CHRDL1: variants seen among roughly 807,000 people sequenced by gnomAD.
CHRDL1 encodes the protein chordin-like protein 1.
In CHRDL1, 19 loss-of-function variants were observed where a neutral mutation model predicts 40.9. That is an observed-to-expected ratio of 0.46 (90% CI 0.32 to 0.68). The LOEUF is 0.68. Among genes scored for constraint, CHRDL1 ranks in the 30% least tolerant of loss-of-function variants. CHRDL1 has a pLI of 0.03. For missense variants in CHRDL1, 329 were observed against 352.1 expected, an observed-to-expected ratio of 0.93 and a Z score of 0.53; for synonymous variants, 136 against 123.4, an observed-to-expected ratio of 1.10 and a Z score of -0.68.
At chrX:110,717,148 C>T (rs2070857878) in intron 6 of CHRDL1, among the ~76,000 whole-genome samples, 1 of 111,808 alleles carries the variant, frequency 8.9e-6, no homozygotes, top group African/African-American at 3.3e-5. Context: ...CACCATTCTG[C>T]ATCAGAATGA....
In CHRDL1 at chrX:110,721,407, T is replaced by G; in HGVS notation, c.425A>C (p.Gln142Pro). 8.3e-7 allele frequency: 1 copy of G among 1,211,002 alleles called. No homozygotes were observed. Among genetic ancestry groups the G allele is most frequent in the Non-Finnish European group, 1.1e-6 (1 of 894,766 alleles). Residue 142 changes from glutamine to proline, a missense_variant, in exon 5 of 12, where the codon CAA (glutamine) becomes CCA (proline). Physicochemically the swap from Gln to Pro is moderately conservative, Grantham distance 76. Transcript: ENST00000372042. ...TACCGAACAGCTGCACTGGGTGCAT[T>G]GATTGGGTTGCCGATTCTGAAAGAG... Reference protein sequence around the residue: ...EGLFQNRQPNQCTQCSCSEGN... With the variant: ...EGLFQNRQPNPCTQCSCSEGN...
chrX:110,729,042 G>A (rs1030854715), intron 4 of CHRDL1, among the ~76,000 whole-genome samples: 3 of 111,941 alleles, frequency 2.7e-5, no homozygotes, highest in African/African-American at 9.7e-5. Flanking sequence ...CAGGAGAATC[G>A]CTTGAACCTG....
rs750955579 is a variant in CHRDL1, at chrX:110,792,074, T to C, written c.94+14A>G. On this transcript the variant is annotated intron_variant, in intron 2 of 11. Coordinates refer to ENST00000372042, the MANE Select transcript of CHRDL1 (RefSeq NM_001143981.2). Reference sequence around the variant, plus strand: ...TATAAAAAGTGTATTATTTTCCAAATGCAAGACACTTACGTTTTACTTGCT... The same window carrying C: ...TATAAAAAGTGTATTATTTTCCAAACGCAAGACACTTACGTTTTACTTGCT... 5 of 1,028,686 alleles carry C rather than the reference T, an allele frequency of 4.9e-6. No homozygotes were observed. Among genetic ancestry groups the C allele is most frequent in the South Asian group, 4.0e-5 (2 of 49,571 alleles). The allele number at this position is 1,028,686 out of a possible 1,213,427, so 84.8% of individuals were successfully genotyped here.
intron 4 of CHRDL1, among the ~76,000 whole-genome samples, chrX:110,724,520 C>T (rs1372379699): frequency 9.2e-6 from 1 of 108,111 alleles, no homozygotes; most frequent in Non-Finnish European, 1.9e-5. Context: ...TTCATTCTTG[C>T]AACACCCTTA....
intron 2 of CHRDL1, among the ~76,000 whole-genome samples, chrX:110,789,814 TA>T (rs2090070708): frequency 8.9e-6 from 1 of 112,218 alleles, no homozygotes; most frequent in Non-Finnish European, 1.9e-5. Context: ...ACATGTTCCA[TA>T]TGAAGCTCAG....
intron 6 of CHRDL1, among the ~76,000 whole-genome samples, chrX:110,705,345 AT>A (rs2070609250): frequency 2.1e-4 from 1 of 4,784 alleles, no homozygotes; most frequent in African/African-American, 6.3e-3. Flanking sequence ...ATATACACAT[AT>A]ATATATATAC....
intron 8 of CHRDL1, among the ~76,000 whole-genome samples, chrX:110,693,606 C>T (rs775231497): frequency 9.0e-6 from 1 of 111,011 alleles, no homozygotes; most frequent in African/African-American, 3.3e-5. Context: ...CCTCCTGCCT[C>T]GACCTCCCAA....
chrX:110,689,398 ATATATATC>A (rs200826006), intron 8 of CHRDL1, among the ~76,000 whole-genome samples: 14,818 of 58,026 alleles, frequency 0.26, 4,457 homozygotes, highest in African/African-American at 0.5. Flanking sequence ...CACCCAGCCT[ATATATATC>A]TATATATCTA....
intron 4 of CHRDL1, among the ~76,000 whole-genome samples, chrX:110,731,182 T>C (rs926457755): frequency 3.2e-4 from 36 of 111,511 alleles, no homozygotes; most frequent in African/African-American, 1.2e-3. Flanking sequence ...GCCCTATCTT[T>C]CCCAGAGGTT....
intron 8 of CHRDL1, among the ~76,000 whole-genome samples, chrX:110,692,835 T>C (rs768239259): frequency 1.5e-4 from 17 of 112,371 alleles, no homozygotes; most frequent in African/African-American, 5.2e-4. Context: ...GAAATATACA[T>C]CTAACTAGTA....
chrX:110,703,054 T>G (rs991211406), intron 6 of CHRDL1, among the ~76,000 whole-genome samples: 1 of 112,152 alleles, frequency 8.9e-6, no homozygotes, highest in African/African-American at 3.2e-5. Flanking sequence ...ACCACCTCTG[T>G]ATCTCCTAGA....
chrX:110,783,138 T>C (rs939096466), intron 2 of CHRDL1, among the ~76,000 whole-genome samples: 2 of 112,499 alleles, frequency 1.8e-5, no homozygotes, highest in Non-Finnish European at 3.8e-5. Context: ...TAATTTTTTT[T>C]TCTTTTGAGA....
chrX:110,694,165 T>C lies in CHRDL1; in HGVS notation c.776A>G (p.Gln259Arg). 1.7e-6 allele frequency: 2 copies of C among 1,203,337 alleles called. No individual in the cohort carries two copies. The highest frequency in any genetic ancestry group is 2.3e-6 in the Non-Finnish European group (2 of 888,553). The part of the protein sequence containing the change: ...IVINNKHKHG[Q>R]VCVSNGKTYS... ...TACAAAAGAAGGATGCCCCTTACCT[T>C]GTCCATGCTTGTGTTTGTTATTGAT... is the stretch of plus-strand genomic sequence containing the variant. Residue 259 changes from glutamine to arginine, a missense_variant and splice_region_variant, in exon 8 of 12, where the codon CAA becomes CGA. By Grantham distance (43) the Gln-to-Arg change is conservative (BLOSUM62 1). Coordinates refer to ENST00000372042, the MANE Select transcript of CHRDL1 (RefSeq NM_001143981.2).
At chrX:110,779,190 C>A (rs961375626) in intron 2 of CHRDL1, among the ~76,000 whole-genome samples, 83 of 110,624 alleles carry the variant, frequency 7.5e-4, no homozygotes, top group African/African-American at 2.2e-3. Flanking sequence ...GTACACCAAC[C>A]CCCCGTGACA....
At chrX:110,775,777 T>G (rs937231059) in intron 2 of CHRDL1, among the ~76,000 whole-genome samples, 11 of 110,988 alleles carry the variant, frequency 9.9e-5, no homozygotes, top group African/African-American at 3.3e-4. Flanking sequence ...CCCTAGTTTT[T>G]TTGTTACTTT....
At chrX:110,750,965 G>C (rs1415253807) in intron 4 of CHRDL1, among the ~76,000 whole-genome samples, 2 of 111,882 alleles carry the variant, frequency 1.8e-5, no homozygotes, top group Non-Finnish European at 3.8e-5. Context: ...AGATCCCACT[G>C]CTGCAAGATC....
At chrX:110,780,461 C>T (rs1022396590) in intron 2 of CHRDL1, among the ~76,000 whole-genome samples, 2 of 111,763 alleles carry the variant, frequency 1.8e-5, no homozygotes, top group Non-Finnish European at 3.8e-5. Flanking sequence ...TAGTTCTACA[C>T]CAATACACAG....
intron 4 of CHRDL1, among the ~76,000 whole-genome samples, chrX:110,749,749 A>G (rs1477893047): frequency 8.9e-6 from 1 of 111,935 alleles, no homozygotes; most frequent in Non-Finnish European, 1.9e-5. Context: ...AAATCATTCT[A>G]ATAAAGACAA....
At chrX:110,733,401 C>T (rs197047) in intron 4 of CHRDL1, among the ~76,000 whole-genome samples, 9,564 of 111,116 alleles carry the variant, frequency 0.086, 1,027 homozygotes, top group African/African-American at 0.3. Flanking sequence ...CCCCAACTGC[C>T]CCCACAGACT....
Sources: gnomAD v4.1 joint callset for allele counts (sites outside exome capture counted in the v4.1 genomes callset) on GRCh38, gnomAD v4.1.1 for gene constraint, MANE v1.5 for transcripts, NCBI Gene and HGNC (gene_info 2026-07-23, HGNC 2026-07-21) for gene names.